Variants in ERI3 observed in about 807,000 individuals in gnomAD.
The protein encoded by ERI3 is ERI1 exoribonuclease 3.
In ERI3, 18 loss-of-function variants were observed where a neutral mutation model predicts 44.4. That is an observed-to-expected ratio of 0.41 (90% CI 0.28 to 0.60). ERI3 has a LOEUF of 0.60. Ranked by LOEUF, ERI3 falls within the 20% of genes least tolerant of loss-of-function variation. ERI3 has a pLI of 0.36. For synonymous variants in ERI3, 183 were observed against 164.8 expected (o/e 1.11, Z -0.84); for missense variants, 294 against 435.5 (o/e 0.68, Z 2.89).
At chr1:44,262,300 C>G (rs955959159) in intron 7 of ERI3, among the ~76,000 whole-genome samples, 5 of 152,314 alleles carry the variant, frequency 3.3e-5, no homozygotes, top group Admixed American at 3.3e-4. Flanking sequence ...CAGTTCAAGG[C>G]CCCCTTCTGG....
chr1:44,286,416 CAACTGGATATCT>C (rs1557820180), intron 6 of ERI3, among the ~76,000 whole-genome samples: 1 of 152,068 alleles, frequency 6.6e-6, no homozygotes, highest in East Asian at 1.9e-4. Context: ...GTCTCAGAGG[CAACTGGATATCT>C]AGTTTTGAAG....
chr1:44,319,874 G>A, intron 3 of ERI3, 130 bp from the exon 4 acceptor site: 1 of 680,672 alleles, frequency 1.5e-6, no homozygotes. Flanking sequence ...GCTCCTGCCA[G>A]GCCAAACCCA....
chr1:44,328,506 G>A (rs1292649209), intron 3 of ERI3, among the ~76,000 whole-genome samples: 1 of 152,134 alleles, frequency 6.6e-6, no homozygotes, highest in Non-Finnish European at 1.5e-5. Flanking sequence ...TGAAGTTTGA[G>A]AACCGCTGGT....
At chr1:44,285,511 A>G (rs989589326) in intron 6 of ERI3, among the ~76,000 whole-genome samples, 4 of 152,190 alleles carry the variant, frequency 2.6e-5, no homozygotes, top group Non-Finnish European at 5.9e-5. Context: ...TCAGATAGAG[A>G]AGAGGCCAGG....
chr1:44,225,280 C>G (rs1644009716), intron 8 of ERI3, among the ~76,000 whole-genome samples: 1 of 152,060 alleles, frequency 6.6e-6, no homozygotes, highest in Non-Finnish European at 1.5e-5. Context: ...GAAGGCTAAC[C>G]TTTGGTTTTG....
chr1:44,321,420 G>A (rs1296063902), intron 3 of ERI3, among the ~76,000 whole-genome samples: 1 of 152,102 alleles, frequency 6.6e-6, no homozygotes, highest in Non-Finnish European at 1.5e-5. Context: ...CTCCTTCCAA[G>A]GTGAAGAGAG....
chr1:44,353,813 G>A, intron 1 of ERI3: 2 of 985,358 alleles, frequency 2.0e-6, no homozygotes, highest in Non-Finnish European at 1.2e-6. Flanking sequence ...AAAGTGCTCT[G>A]AGCTCCAGTG....
At chr1:44,335,250 G>A (rs1353352686) in intron 3 of ERI3, among the ~76,000 whole-genome samples, 2 of 152,130 alleles carry the variant, frequency 1.3e-5, no homozygotes, top group African/African-American at 2.4e-5. Flanking sequence ...GGCTAAGATG[G>A]GAGGATCGCT....
At chr1:44,340,149 CAAAAA>C (rs35880098) in intron 2 of ERI3, among the ~76,000 whole-genome samples, 3 of 121,096 alleles carry the variant, frequency 2.5e-5, no homozygotes. Context: ...TGAACATGTG[CAAAAA>C]AAAAAAAAAA....
At chr1:44,244,978 C>A (rs530779648) in intron 8 of ERI3, among the ~76,000 whole-genome samples, 1 of 152,112 alleles carries the variant, frequency 6.6e-6, no homozygotes, top group Admixed American at 6.5e-5. Flanking sequence ...CTTACCCCCC[C>A]AGCCAATACA....
At chr1:44,273,629 A>G (rs1645128370) in intron 7 of ERI3, among the ~76,000 whole-genome samples, 1 of 152,258 alleles carries the variant, frequency 6.6e-6, no homozygotes, top group South Asian at 2.1e-4. Context: ...AACTCACAGT[A>G]TAGTGGGAAA....
In ERI3 at chr1:44,252,460, A is replaced by T. The variant is rs1345038777; in HGVS notation, c.832-4422T>A. On this transcript the variant is annotated intron_variant, in intron 7 of 8. Coordinates refer to ENST00000372257, the MANE Select transcript of ERI3 (RefSeq NM_024066.3). The surrounding 1 kb of genome is among the most constrained non-coding windows in gnomAD (Gnocchi z 4.7). ...TGCGGCGGGTGGCCCCCTGTGTAAC[A>T]GGGAGCTTTGCCATTAGCGCCTTTA... 2.0e-5 allele frequency among the ~76,000 whole-genome samples: 3 copies of T among 152,332 alleles called. No individual in the cohort carries two copies. Among genetic ancestry groups the T allele is most frequent in the Admixed American group, 6.5e-5 (1 of 15,306 alleles).
At chr1:44,249,995 A>G (rs1644641943) in intron 7 of ERI3, among the ~76,000 whole-genome samples, 1 of 152,222 alleles carries the variant, frequency 6.6e-6, no homozygotes, top group South Asian at 2.1e-4. Flanking sequence ...GGAAGGGGGA[A>G]AAAAGAAGGA....
At position 44,241,528 on chromosome 1, in the gene ERI3, C is replaced by G. The variant is rs1644434154; in HGVS notation, c.931+6411G>C. Among the ~76,000 whole-genome samples, 1 of 152,164 alleles carries G rather than the reference C, an allele frequency of 6.6e-6. No individual in the cohort carries two copies. The highest frequency in any genetic ancestry group is 1.5e-5 in the Non-Finnish European group (1 of 68,036). On this transcript the variant is annotated intron_variant, in intron 8 of 8. Transcript: ENST00000372257. This position sits in a 1 kb window ranked among gnomAD's most constrained non-coding sequence, Gnocchi z 5.6. Reference sequence around the variant, plus strand: ...CCATTACTCCTCTGAGTAGGAGCAGCCAGCACGCGGGTCCTGCCAGATGGA... The same window carrying G: ...CCATTACTCCTCTGAGTAGGAGCAGGCAGCACGCGGGTCCTGCCAGATGGA...
intron 3 of ERI3, among the ~76,000 whole-genome samples, chr1:44,326,313 A>G (rs1572286474): frequency 6.6e-6 from 1 of 152,244 alleles, no homozygotes; most frequent in Non-Finnish European, 1.5e-5. Flanking sequence ...CCAAGGATCA[A>G]GAAGCCTCCT....
At chr1:44,342,845 ATATATATATATATTTTTTTTTTTTTTTTT>A (rs1381721916) in intron 2 of ERI3, among the ~76,000 whole-genome samples, 4 of 30,708 alleles carry the variant, frequency 1.3e-4, no homozygotes, top group African/African-American at 6.4e-4. Flanking sequence ...ATATATATAT[ATATATATATATATTTTTTTTTTTTTTTTT>A]TTTTTTTTTT....
chr1:44,327,225 G>A (rs896907510), intron 3 of ERI3, among the ~76,000 whole-genome samples: 1 of 152,162 alleles, frequency 6.6e-6, no homozygotes, highest in African/African-American at 2.4e-5. Flanking sequence ...CTAAGGAAGG[G>A]CCTAGAAATG....
At chr1:44,251,910 A>C (rs937889854) in intron 7 of ERI3, among the ~76,000 whole-genome samples, 3 of 152,172 alleles carry the variant, frequency 2.0e-5, no homozygotes, top group African/African-American at 7.2e-5. Context: ...TATGGGGCCC[A>C]GAAGCTTTCT....
intron 2 of ERI3, among the ~76,000 whole-genome samples, chr1:44,340,526 C>T (rs939675711): frequency 2.9e-4 from 44 of 152,274 alleles, no homozygotes; most frequent in African/African-American, 8.7e-4. Flanking sequence ...TGAAGTCCAG[C>T]GCGTACTCAA....
Sources: gnomAD v4.1 joint callset for allele counts (sites outside exome capture counted in the v4.1 genomes callset) on GRCh38, gnomAD v4.1.1 for gene constraint, Gnocchi (gnomAD v3.1) non-coding constraint, MANE v1.5 for transcripts, NCBI Gene and HGNC (gene_info 2026-07-23, HGNC 2026-07-21) for gene names.